The following LRRK1 variants were observed in gnomAD, a reference collection of about 807,000 sequenced individuals.
LRRK1 encodes the protein leucine-rich repeat serine/threonine-protein kinase 1.
In LRRK1, 113 loss-of-function variants were observed where a neutral mutation model predicts 209.1. That is an observed-to-expected ratio of 0.54 (90% confidence interval 0.46 to 0.63). The LOEUF is 0.63. LRRK1 is among the 30% of genes least tolerant of loss of function. The probability of loss-of-function intolerance (pLI) is 0.00; values close to 1 mark genes in which losing one functional copy is unlikely to be tolerated. For synonymous variants in LRRK1, 1,144 were observed against 1,099.7 expected, an observed-to-expected ratio of 1.04 and a Z score of -0.80; for missense variants, 2,284 against 2,632.2, an observed-to-expected ratio of 0.87 and a Z score of 2.89.
chr15:100,954,325 T>C (rs2042712350), intron 2 of LRRK1, among the ~76,000 whole-genome samples: 1 of 138,040 alleles, frequency 7.2e-6, no homozygotes, highest in Non-Finnish European at 1.5e-5. Flanking sequence ...TCAGGTCCTT[T>C]GCCCATTTTA....
intron 32 of LRRK1, 150 bp downstream of exon 32, chr15:101,066,355 A>G: frequency 8.8e-7 from 1 of 1,135,570 alleles, no homozygotes; most frequent in Non-Finnish European, 1.2e-6. Context: ...TCCATTGGGA[A>G]TGGAAGCGAT....
chr15:101,038,454 C>T (rs753792724), intron 20 of LRRK1, among the ~76,000 whole-genome samples: 8 of 152,194 alleles, frequency 5.3e-5, no homozygotes, highest in Admixed American at 6.5e-5. Context: ...GAGCACCCTC[C>T]GAGCAGTGCC....
intron 24 of LRRK1, among the ~76,000 whole-genome samples, chr15:101,052,383 T>C (rs28406027): frequency 0.022 from 2,311 of 106,106 alleles, 155 homozygotes; most frequent in African/African-American, 0.088. Context: ...CCCAGAGCCT[T>C]GTTTACCTTC....
At chr15:101,067,769 C>A (rs527952364) in intron 33 of LRRK1, among the ~76,000 whole-genome samples, 1 of 152,310 alleles carries the variant, frequency 6.6e-6, no homozygotes, top group Admixed American at 6.5e-5. Flanking sequence ...AAGCCTTGAA[C>A]TGATGGAGTT....
At position 101,021,194 on chromosome 15, in the gene LRRK1, T is replaced by C. The variant is rs1350632840; in HGVS notation, c.1739+12T>C. 1.2e-6 allele frequency: 2 copies of C among 1,613,838 alleles called. No individual in the cohort carries two copies. The highest frequency in any genetic ancestry group is 3.3e-5 in the Admixed American group (2 of 59,990). ...CTCTACTTGGGAAAGTAAGTACACA[T>C]CTGGAGGGGCCGTGCTGGCTCTGCT... On this transcript the variant is annotated intron_variant, in intron 13 of 33. Coordinates refer to ENST00000388948, the MANE Select transcript of LRRK1 (RefSeq NM_024652.6).
chr15:100,993,381 C>G (rs576252631), intron 6 of LRRK1, among the ~76,000 whole-genome samples: 1 of 152,248 alleles, frequency 6.6e-6, no homozygotes, highest in East Asian at 1.9e-4. Flanking sequence ...TACATACATC[C>G]ATCGATACAA....
intron 3 of LRRK1, among the ~76,000 whole-genome samples, chr15:100,976,068 C>A (rs2031275695): frequency 6.6e-6 from 1 of 152,008 alleles, no homozygotes; most frequent in South Asian, 2.1e-4. Flanking sequence ...TATGTTAAAA[C>A]ACTCAAAAAT....
rs371636985 is a variant in LRRK1, at chr15:100,933,562, T to C, written c.97+8833T>C. Among the ~76,000 whole-genome samples the C allele has an allele frequency of 4.8e-4, 73 of 152,168 alleles. 2 individuals carry two copies. The South Asian group carries it at 0.015, about 30-fold the overall frequency. ...CTTTTGACCAGGTCCAGTAACACACTGGTAATCACAGCTCTTTGAGAGGCT... is the reference window on the plus strand; with the variant it reads ...CTTTTGACCAGGTCCAGTAACACACCGGTAATCACAGCTCTTTGAGAGGCT... On this transcript the variant is annotated intron_variant, in intron 2 of 33. Transcript: ENST00000388948.
rs3764739 is a variant in LRRK1, at chr15:101,066,056, C to T, written c.5619C>T (p.Thr1873=). ...PASSSSVPFS[T]DCEDSDMLHT... Reference sequence around the variant, plus strand: ...GTTCTTCCAGTGTGCCTTTCTCCACCGACTGCGAGGACTCAGACATGCTAC... The same window carrying T: ...GTTCTTCCAGTGTGCCTTTCTCCACTGACTGCGAGGACTCAGACATGCTAC... The change falls in exon 32 of 34, where the codon ACC becomes ACT. Residue 1873 remains threonine (T), a synonymous_variant. Transcript: ENST00000388948. 0.084 allele frequency: 135,939 copies of T among 1,614,034 alleles called. 8,757 individuals carry two copies. The highest frequency in any genetic ancestry group is 0.33 in the East Asian group (14,674 of 44,854).
chr15:100,973,879 T>C lies in LRRK1; in HGVS notation c.173T>C (p.Ile58Thr). 7.8e-7 allele frequency: 1 copy of C among 1,280,406 alleles called. No homozygotes were observed. The highest frequency in any genetic ancestry group is 2.6e-5 in the South Asian group (1 of 39,100). The allele number at this position is 1,280,406 out of a possible 1,614,324, so 79.3% of individuals were successfully genotyped here. Residue 58 changes from isoleucine (I) to threonine (T), a missense_variant, in exon 3 of 34, where the codon ATC becomes ACC. Transcript: ENST00000388948. ...PAARSRRTEG[I>T]RAAYRRGDRG... is the part of the protein sequence containing the mutation. ...GCGCGGTCCCGCAGGACGGAAGGCATCCGCGCCGCGTACAGGCGGGGAGAC... is the reference window on the plus strand; with the variant it reads ...GCGCGGTCCCGCAGGACGGAAGGCACCCGCGCCGCGTACAGGCGGGGAGAC...
In LRRK1 at chr15:101,024,762, C is replaced by G. The variant is rs1213158976; in HGVS notation, c.2068-41C>G. The G allele has an allele frequency of 6.3e-7, 1 of 1,594,614 alleles. No individual in the cohort carries two copies. Among genetic ancestry groups the G allele is most frequent in the African/African-American group, 1.3e-5 (1 of 74,576 alleles). On this transcript the variant is annotated intron_variant, in intron 15 of 33. Transcript: ENST00000388948. This position sits in a 1 kb window ranked among gnomAD's most constrained non-coding sequence, Gnocchi z 4.6. ...CCGTTTGATTGACTGAAGCCTTTGT[C>G]TCTAAAATGCCTCCCTGTCGCTGCC...
intron 2 of LRRK1, among the ~76,000 whole-genome samples, chr15:100,956,982 A>G (rs1015917768): frequency 3.3e-5 from 5 of 151,930 alleles, no homozygotes; most frequent in Admixed American, 2.6e-4. Flanking sequence ...AAGTTTTGGT[A>G]TGTTGTGTTT....
intron 3 of LRRK1, among the ~76,000 whole-genome samples, chr15:100,982,900 A>G (rs1236575976): frequency 6.6e-6 from 1 of 152,248 alleles, no homozygotes; most frequent in Non-Finnish European, 1.5e-5. Context: ...TAGCCACATT[A>G]AAGCAGTAAA....
At chr15:100,989,587 A>G in intron 6 of LRRK1, 189 bp downstream of exon 6, 1 of 615,832 alleles carries the variant, frequency 1.6e-6, no homozygotes. Flanking sequence ...GTGGAGGGCA[A>G]GAGACCAACA....
At chr15:101,060,075 G>T (rs1567281739) in intron 29 of LRRK1, among the ~76,000 whole-genome samples, 1 of 152,218 alleles carries the variant, frequency 6.6e-6, no homozygotes, top group Non-Finnish European at 1.5e-5. Context: ...ACCTGTGAAG[G>T]TTCTTTAAAA....
chr15:100,992,631 C>T (rs537422625), intron 6 of LRRK1, among the ~76,000 whole-genome samples: 43 of 152,082 alleles, frequency 2.8e-4, no homozygotes, highest in African/African-American at 1.0e-3. Flanking sequence ...TTAAAACCCT[C>T]TTCATATGGT....
Position 101,029,353 on chromosome 15 carries a change from C to A in LRRK1, c.2963+121C>A, listed in dbSNP as rs370135170. 33 of 1,054,030 alleles carry A rather than the reference C, an allele frequency of 3.1e-5. 1 individual carries two copies. The highest frequency in any genetic ancestry group is 3.0e-4 in the Middle Eastern group (1 of 3,324). 65.3% of individuals were successfully genotyped at this position (1,054,030 alleles called of 1,614,324 possible). The stretch of plus-strand genomic sequence containing the variant: ...GGGATCAGTGCTGCCACTGCTGCCC[C>A]CTACGGACAGGCCAGCACCCGATGA... On this transcript the variant is annotated intron_variant, in intron 20 of 33. Coordinates refer to ENST00000388948, the MANE Select transcript of LRRK1 (RefSeq NM_024652.6).
rs772310520 is a variant in LRRK1 at position 100,988,572 on chromosome 15, A to G, written c.434-62A>G. 1.7e-5 allele frequency: 26 copies of G among 1,505,838 alleles called. No homozygotes were observed. The African/African-American group carries it at 3.6e-4, about 21-fold the overall frequency. The allele number at this position is 1,505,838 out of a possible 1,614,324, so 93.3% of individuals were successfully genotyped here. A position where few individuals can be genotyped will look rare whatever the true frequency, so the allele number is the denominator to read the frequency against. ...GCTACTAGCGGTCTAAGGGAAGAGC[A>G]GAGTGGGAACAAACAGCACCCTTCA... On this transcript the variant is annotated intron_variant, in intron 4 of 33. Coordinates refer to ENST00000388948, the MANE Select transcript of LRRK1 (RefSeq NM_024652.6).
chr15:101,018,134 T>C (rs1335062978), intron 12 of LRRK1, among the ~76,000 whole-genome samples: 3 of 146,552 alleles, frequency 2.0e-5, no homozygotes, highest in Non-Finnish European at 4.5e-5. Flanking sequence ...GCAACACAAA[T>C]TGGCTTAAGT....
Sources: gnomAD v4.1 joint callset for allele counts (sites outside exome capture counted in the v4.1 genomes callset) on GRCh38, gnomAD v4.1.1 for gene constraint, Gnocchi (gnomAD v3.1) non-coding constraint, MANE v1.5 for transcripts, NCBI Gene and HGNC (gene_info 2026-07-23, HGNC 2026-07-21) for gene names.